GPHN: variants seen among roughly 807,000 people sequenced by gnomAD.
GPHN encodes gephyrin.
In GPHN, 17 loss-of-function variants were observed where a neutral mutation model predicts 95.5. The ratio of observed to expected loss-of-function variants is 0.18; its 90% CI spans 0.12 to 0.27. The LOEUF (loss-of-function observed/expected upper bound fraction) is 0.27, where lower values mean the gene tolerates loss of function less well. Among genes scored for constraint, GPHN ranks in the 10% least tolerant of loss-of-function variants. The pLI, the probability that GPHN is intolerant of heterozygous loss-of-function variation, is 1.00. For synonymous variants in GPHN, 320 were observed against 322.5 expected (o/e 0.99, Z 0.08); for missense variants, 660 against 978.1 (o/e 0.67, Z 4.34).
chr14:66,937,717 T>C (rs1051652040), intron 8 of GPHN, among the ~76,000 whole-genome samples: 4 of 152,194 alleles, frequency 2.6e-5, no homozygotes, highest in African/African-American at 9.7e-5. Flanking sequence ...TTAAGTTTGT[T>C]TTACAAATAA....
chr14:66,801,909 G>A (rs1378236095), intron 3 of GPHN, among the ~76,000 whole-genome samples: 1 of 152,146 alleles, frequency 6.6e-6, no homozygotes, highest in Non-Finnish European at 1.5e-5. Flanking sequence ...CACTGGATCA[G>A]GCCTGAAACC....
chr14:67,531,629 C>G, the GPHN span, among the ~76,000 whole-genome samples: 1 of 151,196 alleles, frequency 6.6e-6, no homozygotes, highest in Non-Finnish European at 1.5e-5. Context: ...TAAATGAGTT[C>G]TGGGCCGAGG....
intron 1 of GPHN, among the ~76,000 whole-genome samples, chr14:66,522,659 T>C (rs1220092164): frequency 6.6e-6 from 1 of 152,166 alleles, no homozygotes; most frequent in Non-Finnish European, 1.5e-5. Flanking sequence ...GATTTTTATA[T>C]GTATTCTTTT....
chr14:66,637,024 C>G (rs958801301), intron 1 of GPHN, among the ~76,000 whole-genome samples: 1 of 152,162 alleles, frequency 6.6e-6, no homozygotes, highest in African/African-American at 2.4e-5. Flanking sequence ...TCAGATCTAA[C>G]TGTAGTTGTA....
intron 1 of GPHN, among the ~76,000 whole-genome samples, chr14:66,608,661 G>A (rs1274129060): frequency 6.6e-6 from 1 of 152,042 alleles, no homozygotes; most frequent in East Asian, 1.9e-4. Flanking sequence ...TATGAATCTG[G>A]ATGCTCCAAT....
At chr14:66,838,048 G>T (rs2061926966) in intron 4 of GPHN, among the ~76,000 whole-genome samples, 1 of 151,936 alleles carries the variant, frequency 6.6e-6, no homozygotes, top group South Asian at 2.1e-4. Flanking sequence ...CTCTGTAATG[G>T]GGCATAAAAT....
At chr14:67,412,069 C>T in the GPHN span, 4 of 1,543,822 alleles carry the variant, frequency 2.6e-6, no homozygotes, top group Non-Finnish European at 3.5e-6. Flanking sequence ...TGTCGCCGCC[C>T]GCACGCCAGG....
intron 10 of GPHN, among the ~76,000 whole-genome samples, chr14:67,027,178 A>G (rs554316854): frequency 2.6e-4 from 40 of 152,344 alleles, no homozygotes; most frequent in African/African-American, 8.2e-4. Flanking sequence ...CTTTCCACCT[A>G]TAATTCATTT....
At chr14:67,057,799 C>T (rs747563384) in intron 10 of GPHN, among the ~76,000 whole-genome samples, 21 of 152,070 alleles carry the variant, frequency 1.4e-4, no homozygotes, top group Non-Finnish European at 2.9e-4. Context: ...TCCCAAGTCC[C>T]TAACTGTTTC....
At chr14:66,747,709 T>C (rs1427826959) in intron 2 of GPHN, among the ~76,000 whole-genome samples, 1 of 152,088 alleles carries the variant, frequency 6.6e-6, no homozygotes, top group African/African-American at 2.4e-5. Flanking sequence ...ACTCTGGTAA[T>C]GTTGAATGTA....
At position 66,637,155 on chromosome 14, in the gene GPHN, T is replaced by C. The variant is rs1392732100; in HGVS notation, c.65-43952T>C. Reference sequence around the variant, plus strand: ...GCTTGGCTCTTCAATTCATTGGTTATTGATATTAAGATTTTGGTCTTTAGA... The same window carrying C: ...GCTTGGCTCTTCAATTCATTGGTTACTGATATTAAGATTTTGGTCTTTAGA... On this transcript the variant is annotated intron_variant, in intron 1 of 22. Transcript: ENST00000478722. 2.0e-5 allele frequency among the ~76,000 whole-genome samples: 3 copies of C among 152,148 alleles called. No individual in the cohort carries two copies. The East Asian group carries it at 5.8e-4, about 29-fold the overall frequency.
chr14:67,373,770 G>A, the GPHN span, among the ~76,000 whole-genome samples: 1 of 152,080 alleles, frequency 6.6e-6, no homozygotes, highest in East Asian at 1.9e-4. Flanking sequence ...GGTTCAAGAA[G>A]ATGTTTAAGC....
chr14:66,567,278 G>A (rs756858593), intron 1 of GPHN, among the ~76,000 whole-genome samples: 4 of 152,146 alleles, frequency 2.6e-5, no homozygotes, highest in Admixed American at 6.6e-5. Flanking sequence ...TTTTAGCAGC[G>A]TAGGGGACTT....
downstream of GPHN, among the ~76,000 whole-genome samples, chr14:67,183,826 G>C (rs1033347860): frequency 4.7e-5 from 7 of 150,356 alleles, no homozygotes; most frequent in South Asian, 2.1e-4. Flanking sequence ...ACAGGCGTGA[G>C]CCACCGTGCC....
intron 3 of GPHN, among the ~76,000 whole-genome samples, chr14:66,792,746 A>G (rs1334633973): frequency 1.3e-5 from 2 of 152,228 alleles, no homozygotes; most frequent in East Asian, 3.9e-4. Context: ...AATTAAAGAC[A>G]CACAGAAATA....
At chr14:67,478,310 G>C in the GPHN span, among the ~76,000 whole-genome samples, 2 of 152,158 alleles carry the variant, frequency 1.3e-5, no homozygotes, top group Non-Finnish European at 2.9e-5. Flanking sequence ...ACTGGCCAAG[G>C]GAAAGCCACC....
chr14:67,514,945 G>C, the GPHN span: 9,109 of 151,136 alleles, frequency 0.06, 381 homozygotes, highest in South Asian at 0.16. Context: ...AGCGGGATCT[G>C]CTACAGCCCC....
chr14:67,032,776 A>C (rs1414324691), intron 10 of GPHN, among the ~76,000 whole-genome samples: 2 of 152,150 alleles, frequency 1.3e-5, no homozygotes, highest in African/African-American at 4.8e-5. Flanking sequence ...GATTGGTGAG[A>C]GTGTCCCCTA....
the GPHN span, chr14:67,204,449 A>G: frequency 1.4e-6 from 2 of 1,404,216 alleles, no homozygotes; most frequent in East Asian, 2.6e-5. Flanking sequence ...CTCAAAACAA[A>G]CAAACAAATA....
Sources: gnomAD v4.1 joint callset for allele counts (sites outside exome capture counted in the v4.1 genomes callset) on GRCh38, gnomAD v4.1.1 for gene constraint, MANE v1.5 for transcripts, NCBI Gene and HGNC (gene_info 2026-07-23, HGNC 2026-07-21) for gene names.